CTBP1: variants seen among roughly 807,000 people sequenced by gnomAD.
CTBP1 encodes the protein C-terminal binding protein 1.
A neutral mutation model predicts 42.1 loss-of-function variants in CTBP1; 11 were observed. The observed-to-expected ratio is 0.26, with a 90% CI of 0.16 to 0.43. CTBP1 has a LOEUF of 0.43. Ranked by LOEUF, CTBP1 falls within the 20% of genes least tolerant of loss-of-function variation. The probability of loss-of-function intolerance (pLI) is 1.00; values close to 1 mark genes in which losing one functional copy is unlikely to be tolerated. For synonymous variants in CTBP1, 324 were observed against 277.1 expected, an observed-to-expected ratio of 1.17 and a Z score of -1.68; for missense variants, 399 against 624.3, an observed-to-expected ratio of 0.64 and a Z score of 3.85.
intron 1 of CTBP1, among the ~76,000 whole-genome samples, chr4:1,246,149 GGGGGA>G: frequency 6.6e-6 from 1 of 152,170 alleles, no homozygotes; most frequent in African/African-American, 2.4e-5. Flanking sequence ...GACCCAGTGC[GGGGGA>G]GAGCAGTGGG....
rs1044763980 is a variant in CTBP1 at position 1,243,920 on chromosome 4, G to C, written c.-188-2401C>G. The C allele has an allele frequency of 1.4e-5, 14 of 985,358 alleles. No individual in the cohort carries two copies. In the African/African-American group the frequency reaches 2.4e-4, roughly 17 times the overall value. The allele number at this position is 985,358 out of a possible 1,614,324, so 61.0% of individuals were successfully genotyped here. ...CCCTGCAGACGCTTAACCTCATGTT[G>C]TAAGAAAGCACTCAAGGGACCCACG... On this transcript the variant is annotated intron_variant, in intron 1 of 9. Coordinates refer to ENST00000382952, the MANE Select transcript of CTBP1 (RefSeq NM_001012614.2).
chr4:1,248,188 C>A lies in CTBP1; in HGVS notation c.-189+728G>T, dbSNP rs530339220. Among the ~76,000 whole-genome samples, 94 of 152,028 alleles carry A rather than the reference C, an allele frequency of 6.2e-4. 1 individual carries two copies. The South Asian group carries it at 0.018, about 29-fold the overall frequency. ...TCCCTGCTTCCGCGGCCGCAGCCCG[C>A]GAGGAAGGCGCCCCGGGACCTGGGC... is the stretch of plus-strand genomic sequence containing the variant. On this transcript the variant is annotated intron_variant, in intron 1 of 9. Coordinates refer to ENST00000382952, the MANE Select transcript of CTBP1 (RefSeq NM_001012614.2).
chr4:1,223,508 G>A, intron 5 of CTBP1: 1 of 456,082 alleles, frequency 2.2e-6, no homozygotes, highest in Non-Finnish European at 4.4e-6. Context: ...GCAGGAGTGG[G>A]CTGCCTGGAT....
intron 1 of CTBP1, chr4:1,248,533 TGACCGGGGACGGGGTAGC>T: frequency 3.2e-6 from 1 of 316,628 alleles, no homozygotes; most frequent in Non-Finnish European, 4.6e-6. Flanking sequence ...CACGGGGTCA[TGACCGGGGACGGGGTAGC>T]GGCCGGGGAT....
intron 5 of CTBP1, 125 bp from the exon 6 acceptor site, chr4:1,216,330 G>T: frequency 9.9e-7 from 1 of 1,007,536 alleles, no homozygotes; most frequent in Non-Finnish European, 1.4e-6. Context: ...GACACCAGCT[G>T]TGGTCAAGCC....
In CTBP1 at chr4:1,212,206, G is replaced by A; in HGVS notation, c.*34C>T. ...TGGTCCGAGGGTTTCCGGGCCCTCTGCCCAGGCGCCGAGGCTGGAGAGCTC... is the reference window on the plus strand; with the variant it reads ...TGGTCCGAGGGTTTCCGGGCCCTCTACCCAGGCGCCGAGGCTGGAGAGCTC... On this transcript the variant is annotated 3_prime_UTR_variant, in exon 10 of 10. Transcript: ENST00000382952. 1 of 1,404,382 alleles carries A rather than the reference G, an allele frequency of 7.1e-7. No individual in the cohort carries two copies. The highest frequency in any genetic ancestry group is 3.2e-5 in the Admixed American group (1 of 31,108). The allele number at this position is 1,404,382 out of a possible 1,614,324, so 87.0% of individuals were successfully genotyped here.
At chr4:1,227,948 G>A (rs1301526494) in intron 4 of CTBP1, among the ~76,000 whole-genome samples, 3 of 152,232 alleles carry the variant, frequency 2.0e-5, no homozygotes, top group African/African-American at 4.8e-5. Flanking sequence ...AGACATGCAT[G>A]CAGACCTGTG....
intron 3 of CTBP1, among the ~76,000 whole-genome samples, chr4:1,228,614 C>T (rs1423805398): frequency 2.6e-5 from 4 of 152,174 alleles, no homozygotes; most frequent in African/African-American, 9.7e-5. Flanking sequence ...CAGAGTTGCC[C>T]GCTCCCCACT....
At chr4:1,221,576 C>T (rs1729738717) in intron 5 of CTBP1, 2 of 183,656 alleles carry the variant, frequency 1.1e-5, no homozygotes, top group Admixed American at 6.3e-5. Flanking sequence ...ACTGCTGGGT[C>T]GTATGAAAAC....
intron 1 of CTBP1, chr4:1,242,247 C>T (rs949726063): frequency 4.2e-5 from 41 of 985,412 alleles, no homozygotes; most frequent in African/African-American, 1.7e-4. Context: ...AGAGTGCACA[C>T]GATCGCCCAG....
At chr4:1,243,238 C>T (rs1326051431) in intron 1 of CTBP1, 7 of 985,284 alleles carry the variant, frequency 7.1e-6, no homozygotes, top group African/African-American at 1.7e-5. Flanking sequence ...CTGGCCAGTA[C>T]GTGCCCACAC....
At chr4:1,220,407 G>A (rs567865648) in intron 5 of CTBP1, among the ~76,000 whole-genome samples, 9 of 152,240 alleles carry the variant, frequency 5.9e-5, no homozygotes, top group South Asian at 4.1e-4. Flanking sequence ...ACGAAACACC[G>A]TTAAGAAAAG....
chr4:1,228,253 C>T lies in CTBP1; in HGVS notation c.253G>A (p.Val85Ile), dbSNP rs1221610147. The T allele has an allele frequency of 6.2e-6, 10 of 1,614,164 alleles. No homozygotes were observed. Among genetic ancestry groups the T allele is most frequent in the Admixed American group, 1.7e-5 (1 of 60,010 alleles). ...TTGTCAAAACCACTGCCAATCCGGA[C>T]GATGATGCGGAGGGCTTTGAACTTC... ...LEKFKALRII[V>I]RIGSGFDNID... is the part of the protein sequence containing the mutation. Residue 85 changes from valine to isoleucine, a missense_variant, in exon 4 of 10, where the codon GTC becomes ATC. Val to Ile is a conservative substitution (Grantham distance 29). This residue lies in a region of CTBP1 where 309 missense variants were observed against 497.5 expected (regional missense o/e 0.62). Coordinates refer to ENST00000382952, the MANE Select transcript of CTBP1 (RefSeq NM_001012614.2).
In CTBP1 at chr4:1,212,306, G is replaced by A. The variant is rs1453823824; in HGVS notation, c.1224C>T (p.His408=). The change falls in exon 10 of 10, where the codon CAC becomes CAT. Residue 408 remains histidine, a synonymous_variant. Transcript: ENST00000382952. The stretch of plus-strand genomic sequence containing the variant: ...TGACGGTTTGGCCAGGAGAAGGGGC[G>A]TGGGGCGGGTGGGCCACAGGGGGCA... ...HGLPPVAHPP[H]APSPGQTVKP... 1.1e-5 allele frequency: 17 copies of A among 1,523,082 alleles called. No individual in the cohort carries two copies. Among genetic ancestry groups the A allele is most frequent in the African/African-American group, 5.7e-5 (4 of 69,804 alleles). 94.3% of individuals were successfully genotyped at this position (1,523,082 alleles called of 1,614,324 possible). A position where few individuals can be genotyped will look rare whatever the true frequency, so the allele number is the denominator to read the frequency against.
At chr4:1,212,514 C>T (rs372574274) in intron 9 of CTBP1, 91 bp from the exon 10 acceptor site, 5 of 1,157,558 alleles carry the variant, frequency 4.3e-6, no homozygotes, top group Non-Finnish European at 3.5e-6. Flanking sequence ...ACCGAGGGGG[C>T]CTCTCCAGGA....
At chr4:1,224,267 G>A (rs911821297) in intron 5 of CTBP1, among the ~76,000 whole-genome samples, 1 of 150,694 alleles carries the variant, frequency 6.6e-6, no homozygotes, top group Non-Finnish European at 1.5e-5. Flanking sequence ...TGTGATACCC[G>A]TGTGTGTGTG....
chr4:1,213,392 T>G, intron 8 of CTBP1, 86 bp downstream of exon 8: 1 of 1,581,684 alleles, frequency 6.3e-7, no homozygotes, highest in South Asian at 1.1e-5. Flanking sequence ...AACATGGGCC[T>G]GGCTGCCAGG....
intron 3 of CTBP1, among the ~76,000 whole-genome samples, chr4:1,229,742 C>T (rs550022453): frequency 6.6e-6 from 1 of 152,330 alleles, no homozygotes; most frequent in South Asian, 2.1e-4. Context: ...AGACGCTCAC[C>T]ACCCAGCTGC....
At chr4:1,215,792 C>T (rs1729043376) in intron 6 of CTBP1, 199 bp downstream of exon 6, 2 of 610,416 alleles carry the variant, frequency 3.3e-6, no homozygotes, top group Non-Finnish European at 5.8e-6. Context: ...TTTTAGATGT[C>T]CTGAGTAGAA....
Sources: gnomAD v4.1 joint callset for allele counts (sites outside exome capture counted in the v4.1 genomes callset) on GRCh38, gnomAD v4.1.1 for gene constraint, gnomAD v4.1.1 regional missense constraint, MANE v1.5 for transcripts, NCBI Gene and HGNC (gene_info 2026-07-23, HGNC 2026-07-21) for gene names.